The following GRAMD2A variants were observed in gnomAD, a reference collection of about 807,000 sequenced individuals.
The protein encoded by GRAMD2A is GRAM domain-containing protein 2A.
In GRAMD2A, 37 loss-of-function variants were observed where a neutral mutation model predicts 51.1. The observed-to-expected ratio is 0.72, with a 90% CI of 0.56 to 0.95. GRAMD2A has a LOEUF of 0.95. Ranked by LOEUF, GRAMD2A falls within the 40% of genes least tolerant of loss-of-function variation. The pLI is 0.00. For missense variants in GRAMD2A, 414 were observed against 426.9 expected (o/e 0.97, Z 0.27); for synonymous variants, 136 against 157.1 (o/e 0.87, Z 1.01).
chr15:72,172,219 T>C (rs1285066855), intron 1 of GRAMD2A, among the ~76,000 whole-genome samples: 2 of 151,508 alleles, frequency 1.3e-5, no homozygotes, highest in Non-Finnish European at 2.9e-5. Context: ...CCCGAGCTCA[T>C]GTGATCCTCC....
intron 1 of GRAMD2A, 39 bp from the exon 2 acceptor site, chr15:72,169,978 T>C (rs993291104): frequency 1.4e-6 from 2 of 1,470,256 alleles, no homozygotes; most frequent in East Asian, 2.3e-5. Flanking sequence ...GGGGGCTTCA[T>C]GAGGACACCT....
intron 1 of GRAMD2A, among the ~76,000 whole-genome samples, chr15:72,185,384 G>A (rs948602902): frequency 6.6e-6 from 1 of 152,030 alleles, no homozygotes; most frequent in African/African-American, 2.4e-5. Context: ...AATAGAGACA[G>A]GATTTCACCA....
In GRAMD2A at chr15:72,170,055, T is replaced by A; in HGVS notation, c.42-116A>T. The stretch of plus-strand genomic sequence containing the variant: ...CCCCCACCCAAGACTGGCCCTGATA[T>A]TGAGGGTGACACTGAAAATGTCACA... On this transcript the variant is annotated intron_variant, in intron 1 of 11. Coordinates refer to ENST00000309731, the MANE Select transcript of GRAMD2A (RefSeq NM_001012642.3). The surrounding 1 kb of genome is among the most constrained non-coding windows in gnomAD (Gnocchi z 4.5). 2 of 791,108 alleles carry A rather than the reference T, an allele frequency of 2.5e-6. No homozygotes were observed. Among genetic ancestry groups the A allele is most frequent in the Non-Finnish European group, 4.6e-6 (2 of 437,652 alleles). 49.0% of individuals were successfully genotyped at this position (791,108 alleles called of 1,614,324 possible). A position where few individuals can be genotyped will look rare whatever the true frequency, so the allele number is the denominator to read the frequency against.
Position 72,163,723 on chromosome 15 carries a change from AC to A in GRAMD2A, c.634del (p.Val212TyrfsTer44). On this transcript the variant is annotated frameshift_variant, in exon 9 of 12. Transcript: ENST00000309731. LOFTEE classifies it high-confidence loss of function. ...VLIPEMKWRK[V>X]CPSSRSLSLP... is the part of the protein sequence containing the mutation. Reference sequence around the variant, plus strand: ...AGACAGGGACCTGGAGGAAGGGCATACCTTTCTCCACTTCATCTCAGGGATG... The same window carrying A: ...AGACAGGGACCTGGAGGAAGGGCATACTTTCTCCACTTCATCTCAGGGATG... 4 of 1,609,064 alleles carry A rather than the reference AC, an allele frequency of 2.5e-6. No individual in the cohort carries two copies. The highest frequency in any genetic ancestry group is 1.7e-5 in the Admixed American group (1 of 58,360).
chr15:72,190,328 G>A (rs886657900), intron 1 of GRAMD2A, among the ~76,000 whole-genome samples: 1 of 152,104 alleles, frequency 6.6e-6, no homozygotes, highest in African/African-American at 2.4e-5. Flanking sequence ...GCAGTGAGCC[G>A]AGATTGCACC....
chr15:72,175,028 C>T (rs2081642475), intron 1 of GRAMD2A, among the ~76,000 whole-genome samples: 1 of 152,104 alleles, frequency 6.6e-6, no homozygotes, highest in Admixed American at 6.5e-5. Flanking sequence ...CGTGTCCATG[C>T]ATGTAATCTC....
rs150011734 is a variant in GRAMD2A, at chr15:72,166,894, G to T, written c.471+100C>A. 9.9e-7 allele frequency: 1 copy of T among 1,007,532 alleles called. No homozygotes were observed. Among genetic ancestry groups the T allele is most frequent in the Non-Finnish European group, 1.6e-6 (1 of 636,020 alleles). 62.4% of individuals were successfully genotyped at this position (1,007,532 alleles called of 1,614,324 possible). A position where few individuals can be genotyped will look rare whatever the true frequency, so the allele number is the denominator to read the frequency against. ...AATACCTACTGGAGAGCTGCAGGGT[G>T]GGGTGAAATAAAGACCTGGGAATGT... is the stretch of plus-strand genomic sequence containing the variant. On this transcript the variant is annotated intron_variant, in intron 6 of 11. Coordinates refer to ENST00000309731, the MANE Select transcript of GRAMD2A (RefSeq NM_001012642.3). The surrounding 1 kb of genome is among the most constrained non-coding windows in gnomAD (Gnocchi z 4.1).
chr15:72,189,970 G>A (rs2081756757), intron 1 of GRAMD2A, among the ~76,000 whole-genome samples: 1 of 152,054 alleles, frequency 6.6e-6, no homozygotes, highest in African/African-American at 2.4e-5. Context: ...TATTCGAGTG[G>A]GTGGGGAAAA....
At chr15:72,168,686 C>T in intron 3 of GRAMD2A, 120 bp from the exon 4 acceptor site, 1 of 858,214 alleles carries the variant, frequency 1.2e-6, no homozygotes, top group South Asian at 1.4e-5. Context: ...TAGCATGAGG[C>T]AGCTAGTAAG....
In GRAMD2A at chr15:72,166,806, G is replaced by C; in HGVS notation, c.472-103C>G. Reference sequence around the variant, plus strand: ...TGGGCACAGGCCCACAGGGGTATCAGGCCATGAGAGCCAACAGAAGCTCTG... The same window carrying C: ...TGGGCACAGGCCCACAGGGGTATCACGCCATGAGAGCCAACAGAAGCTCTG... On this transcript the variant is annotated intron_variant, in intron 6 of 11. Transcript: ENST00000309731. This position sits in a 1 kb window ranked among gnomAD's most constrained non-coding sequence, Gnocchi z 4.1. 9.3e-7 allele frequency: 1 copy of C among 1,070,828 alleles called. No individual in the cohort carries two copies. The highest frequency in any genetic ancestry group is 1.4e-6 in the Non-Finnish European group (1 of 700,076). The allele number at this position is 1,070,828 out of a possible 1,614,324, so 66.3% of individuals were successfully genotyped here.
At chr15:72,174,673 G>T (rs1182647107) in intron 1 of GRAMD2A, among the ~76,000 whole-genome samples, 1 of 152,158 alleles carries the variant, frequency 6.6e-6, no homozygotes, top group Non-Finnish European at 1.5e-5. Context: ...GGGCACAGGA[G>T]GTGTCTGCCT....
intron 8 of GRAMD2A, among the ~76,000 whole-genome samples, chr15:72,164,205 A>G (rs954060867): frequency 2.0e-5 from 3 of 152,134 alleles, no homozygotes; most frequent in African/African-American, 7.2e-5. Flanking sequence ...TGCATATCAC[A>G]TGCTTGGCTA....
chr15:72,164,179 C>A (rs945905715), intron 8 of GRAMD2A, among the ~76,000 whole-genome samples: 3 of 152,168 alleles, frequency 2.0e-5, no homozygotes, highest in Non-Finnish European at 4.4e-5. Context: ...CACCTTCTAT[C>A]CGGCACATGG....
rs760174022 is a variant in GRAMD2A, at chr15:72,197,715, G to A, written c.41+16C>T. On this transcript the variant is annotated intron_variant, in intron 1 of 11. Transcript: ENST00000309731. ...CCGGAACCCCCGAGACCGGCCCCCG[G>A]GCCGCAACCCCTTACCCGCCCTCCT... The A allele has an allele frequency of 7.6e-7, 1 of 1,321,818 alleles. No homozygotes were observed. Among genetic ancestry groups the A allele is most frequent in the South Asian group, 1.9e-5 (1 of 52,890 alleles). 81.9% of individuals were successfully genotyped at this position (1,321,818 alleles called of 1,614,324 possible). A position where few individuals can be genotyped will look rare whatever the true frequency, so the allele number is the denominator to read the frequency against.
At chr15:72,178,776 G>A (rs531501959) in intron 1 of GRAMD2A, among the ~76,000 whole-genome samples, 26 of 151,804 alleles carry the variant, frequency 1.7e-4, no homozygotes, top group African/African-American at 5.6e-4. Context: ...GGGTTTCACC[G>A]TGTTAGCCAG....
chr15:72,168,916 G>A, intron 3 of GRAMD2A, 23 bp downstream of exon 3: 1 of 1,610,476 alleles, frequency 6.2e-7, no homozygotes, highest in South Asian at 1.1e-5. Context: ...GGTGAATAGT[G>A]AGAAGTCAGC....
chr15:72,164,413 T>TTA (rs2081517496), intron 8 of GRAMD2A, among the ~76,000 whole-genome samples: 1 of 149,142 alleles, frequency 6.7e-6, no homozygotes, highest in Non-Finnish European at 1.5e-5. Context: ...CATCTTTTAT[T>TTA]TTTTTTTTTT....
intron 1 of GRAMD2A, among the ~76,000 whole-genome samples, chr15:72,179,700 G>C (rs908744756): frequency 1.3e-5 from 2 of 152,184 alleles, no homozygotes; most frequent in Admixed American, 6.5e-5. Context: ...CTCAGTCTGG[G>C]GTGGGGCTGG....
At position 72,163,451 on chromosome 15, in the gene GRAMD2A, T is replaced by C. The variant is rs369749116; in HGVS notation, c.771A>G (p.Ser257=). The C allele has an allele frequency of 6.2e-7, 1 of 1,614,024 alleles. No individual in the cohort carries two copies. Among genetic ancestry groups the C allele is most frequent in the Non-Finnish European group, 8.5e-7 (1 of 1,180,002 alleles). ...MSEKSRAQVA[S]ENGGRWAWPM... ...GCCATGCCCACCTCCCACCATTTTC[T>C]GAAGCTACTTGGGCTCTTGACTTTT... The change falls in exon 10 of 12, where the codon TCA becomes TCG. Residue 257 remains serine, a synonymous_variant. Coordinates refer to ENST00000309731, the MANE Select transcript of GRAMD2A (RefSeq NM_001012642.3).
Sources: gnomAD v4.1 joint callset for allele counts (sites outside exome capture counted in the v4.1 genomes callset) on GRCh38, gnomAD v4.1.1 for gene constraint, Gnocchi (gnomAD v3.1) non-coding constraint, MANE v1.5 for transcripts, NCBI Gene and HGNC (gene_info 2026-07-23, HGNC 2026-07-21) for gene names.